ALKBH1: variants seen among roughly 807,000 people sequenced by gnomAD.
ALKBH1 encodes the protein alkB homolog 1, histone H2A dioxygenase.
A neutral mutation model predicts 36.6 loss-of-function variants in ALKBH1; 31 were observed. That is an observed-to-expected ratio of 0.85 (90% confidence interval 0.64 to 1.14). The LOEUF (loss-of-function observed/expected upper bound fraction) is 1.14, where lower values mean the gene tolerates loss of function less well. Among genes scored for constraint, ALKBH1 ranks in the 50% most tolerant of loss-of-function variants. ALKBH1 has a pLI of 0.00. For synonymous variants in ALKBH1, 183 were observed against 186.6 expected (o/e 0.98, Z 0.16); for missense variants, 490 against 497.3 (o/e 0.99, Z 0.14).
chr14:77,693,264 G>C (rs2080308558), intron 3 of ALKBH1, among the ~76,000 whole-genome samples: 1 of 146,816 alleles, frequency 6.8e-6, no homozygotes, highest in Non-Finnish European at 1.5e-5. Context: ...TGTTGCCCAG[G>C]CTGGTAACTC....
intron 4 of ALKBH1, 65 bp from the exon 5 acceptor site, chr14:77,675,914 GATTA>G (rs2080202947): frequency 7.7e-7 from 1 of 1,291,034 alleles, no homozygotes; most frequent in Non-Finnish European, 1.1e-6. Flanking sequence ...GAAACTATAA[GATTA>G]ATTACCACTT....
At chr14:77,706,835 C>G (rs571225739) in intron 1 of ALKBH1, among the ~76,000 whole-genome samples, 1 of 152,196 alleles carries the variant, frequency 6.6e-6, no homozygotes, top group African/African-American at 2.4e-5. Context: ...AAGCTGAGCT[C>G]AAGTATGCAA....
At chr14:77,675,468 A>G (rs2080200054) in intron 5 of ALKBH1, among the ~76,000 whole-genome samples, 188 bp downstream of exon 5, 1 of 152,098 alleles carries the variant, frequency 6.6e-6, no homozygotes, top group Non-Finnish European at 1.5e-5. Flanking sequence ...AAAATAAAAT[A>G]AAAGGTAGGC....
chr14:77,707,978 G>A lies in ALKBH1; in HGVS notation c.27C>T (p.Gly9=), dbSNP rs755580214. Residue 9 remains glycine (G), a synonymous_variant, in exon 1 of 6, where the codon GGC becomes GGT. Coordinates refer to ENST00000216489, the MANE Select transcript of ALKBH1 (RefSeq NM_006020.3). ...GCTCAGTCGCCAGAGTCGCCACAGA[G>A]CCCACGGCCGCTGCCATCTTCCCCA... MGKMAAAV[G]SVATLATEPG... is the part of the protein sequence containing the mutation. 6.2e-6 allele frequency: 10 copies of A among 1,611,520 alleles called. No individual in the cohort carries two copies. The highest frequency in any genetic ancestry group is 1.3e-5 in the African/African-American group (1 of 74,882).
Position 77,675,772 on chromosome 14 carries a change from TC to T in ALKBH1, c.623del (p.Gly208AspfsTer12), listed in dbSNP as rs1566810774. On this transcript the variant is annotated frameshift_variant, in exon 5 of 6. Transcript: ENST00000216489. LOFTEE classifies it high-confidence loss of function. Reference protein sequence around the residue: ...FLSEQVAAACGFEDFRAEAGI... With the variant: ...FLSEQVAAACXFEDFRAEAGI... ...CTGCTTCAGCTCGGAAATCCTCAAA[TC>T]CACAGGCAGCGGCTACTTGCTCTGA... is the stretch of plus-strand genomic sequence containing the variant. 2 of 1,613,912 alleles carry T rather than the reference TC, an allele frequency of 1.2e-6. No individual in the cohort carries two copies. Among genetic ancestry groups the T allele is most frequent in the Non-Finnish European group, 1.7e-6 (2 of 1,179,988 alleles).
At chr14:77,694,283 T>C (rs1316458731) in intron 3 of ALKBH1, among the ~76,000 whole-genome samples, 1 of 152,192 alleles carries the variant, frequency 6.6e-6, no homozygotes, top group Non-Finnish European at 1.5e-5. Flanking sequence ...TGTTGAAGCA[T>C]GAAGGTGAAA....
At chr14:77,694,685 C>A in intron 3 of ALKBH1, 53 bp downstream of exon 3, 2 of 1,389,246 alleles carry the variant, frequency 1.4e-6, no homozygotes, top group South Asian at 1.9e-5. Flanking sequence ...CTTCAAAGAC[C>A]TGTGATGATC....
intron 2 of ALKBH1, among the ~76,000 whole-genome samples, chr14:77,701,087 T>C (rs1470242803): frequency 6.6e-6 from 1 of 152,092 alleles, no homozygotes; most frequent in Non-Finnish European, 1.5e-5. Context: ...AATGAGACCC[T>C]GTCTCAAGAA....
Position 77,699,675 on chromosome 14 carries a change from C to T in ALKBH1, c.292+4694G>A, listed in dbSNP as rs528365839. ...TAAGACAAACAAACAATCTGGGATA[C>T]GACAAACAGAGTTGGATTTGCGGCC... is the stretch of plus-strand genomic sequence containing the variant. On this transcript the variant is annotated intron_variant, in intron 2 of 5. Transcript: ENST00000216489. Among the ~76,000 whole-genome samples, 7 of 152,236 alleles carry T rather than the reference C, an allele frequency of 4.6e-5. No homozygotes were observed. In the South Asian group the frequency reaches 8.3e-4, roughly 18 times the overall value.
At chr14:77,699,156 T>G (rs199602453) in intron 2 of ALKBH1, among the ~76,000 whole-genome samples, 3 of 152,188 alleles carry the variant, frequency 2.0e-5, no homozygotes, top group Non-Finnish European at 4.4e-5. Context: ...GGTGTGGCTG[T>G]ATTCCAATAA....
intron 3 of ALKBH1, among the ~76,000 whole-genome samples, chr14:77,690,287 T>C (rs918355196): frequency 3.3e-5 from 5 of 151,676 alleles, no homozygotes; most frequent in African/African-American, 1.2e-4. Flanking sequence ...GAAATGAGAG[T>C]AGAGAGGTAG....
At chr14:77,706,801 T>C (rs1052007125) in intron 1 of ALKBH1, among the ~76,000 whole-genome samples, 2 of 152,190 alleles carry the variant, frequency 1.3e-5, no homozygotes, top group African/African-American at 2.4e-5. Flanking sequence ...CCACTTTTTT[T>C]CCCTAACAAA....
intron 3 of ALKBH1, among the ~76,000 whole-genome samples, chr14:77,680,677 C>CTCTCTTTTTTTTTTTTTTTTTTT (rs774703181): frequency 2.4e-5 from 3 of 124,348 alleles, no homozygotes; most frequent in African/African-American, 9.6e-5. Flanking sequence ...ATTAACTACT[C>CTCTCTTTTTTTTTTTTTTTTTTT]TTTTTTTTTT....
At chr14:77,684,416 C>T (rs2080256420) in intron 3 of ALKBH1, among the ~76,000 whole-genome samples, 1 of 151,850 alleles carries the variant, frequency 6.6e-6, no homozygotes, top group Non-Finnish European at 1.5e-5. Flanking sequence ...AGCTGGAGTG[C>T]AATGGTGCGA....
chr14:77,688,647 G>GGTTCAAGCGATTCTCCCAC (rs1158314715), intron 3 of ALKBH1, among the ~76,000 whole-genome samples: 3 of 151,076 alleles, frequency 2.0e-5, no homozygotes, highest in South Asian at 4.2e-4. Context: ...CCACCTGCCG[G>GGTTCAAGCGATTCTCCCAC]GTTCAAGCGA....
intron 4 of ALKBH1, among the ~76,000 whole-genome samples, chr14:77,678,867 C>T (rs1280456994): frequency 6.6e-6 from 1 of 152,024 alleles, no homozygotes; most frequent in Admixed American, 6.6e-5. Context: ...CCCAGTTGGA[C>T]TGCAGTGGTG....
chr14:77,704,507 C>A (rs1311741505), intron 1 of ALKBH1, 30 bp from the exon 2 acceptor site: 1 of 1,580,502 alleles, frequency 6.3e-7, no homozygotes, highest in South Asian at 1.1e-5. Context: ...AGTTAAAGGA[C>A]TAAATCTATT....
intron 3 of ALKBH1, among the ~76,000 whole-genome samples, chr14:77,690,860 G>A (rs1009691720): frequency 2.0e-5 from 3 of 151,552 alleles, no homozygotes; most frequent in Admixed American, 1.3e-4. Context: ...GGAGTGCAAT[G>A]GCGTGATCTC....
intron 3 of ALKBH1, chr14:77,683,351 C>T: frequency 5.4e-6 from 4 of 742,294 alleles, no homozygotes; most frequent in Admixed American, 3.7e-5. Context: ...GATCATTTTA[C>T]TACACGTTTC....
Sources: allele counts gnomAD v4.1 joint callset (sites outside exome capture counted in the v4.1 genomes callset), GRCh38; gene constraint gnomAD v4.1.1; transcripts MANE v1.5; gene names NCBI Gene and HGNC (gene_info 2026-07-23, HGNC 2026-07-21).